The following ZNF492 variants were observed in gnomAD, a reference collection of about 807,000 sequenced individuals.
The protein encoded by ZNF492 is zinc finger protein 115 (Y20).
ZNF492 carries 3 observed loss-of-function variants against 6.4 expected under a neutral mutation model. The ratio of observed to expected loss-of-function variants is 0.47; its 90% CI spans 0.21 to 1.22. ZNF492 has a LOEUF of 1.22. Ranked by LOEUF, ZNF492 falls within the 50% of genes most tolerant of loss-of-function variation. The pLI is 0.22. For synonymous variants in ZNF492, 112 were observed against 205.3 expected (o/e 0.55, Z 3.89); for missense variants, 356 against 612.5 (o/e 0.58, Z 4.42).
chr19:22,652,381 C>T lies in ZNF492; in HGVS notation c.-93-926C>T, dbSNP rs1257025514. 2.7e-5 allele frequency among the ~76,000 whole-genome samples: 3 copies of T among 110,866 alleles called. 1 individual carries two copies. Among genetic ancestry groups the T allele is most frequent in the African/African-American group, 1.4e-4 (3 of 20,814 alleles). 72.7% of individuals were successfully genotyped at this position (110,866 alleles called of 152,430 possible). A position where few individuals can be genotyped will look rare whatever the true frequency, so the allele number is the denominator to read the frequency against. ...TAGCTGGGACTACAGGCGCCCGCCA[C>T]CTTAGGTTTTCTTTGCATTTATCTG... On this transcript the variant is annotated intron_variant, in intron 1 of 3. Transcript: ENST00000456783.
At chr19:22,659,005 G>C (rs1230716777) in intron 3 of ZNF492, among the ~76,000 whole-genome samples, 3 of 151,996 alleles carry the variant, frequency 2.0e-5, no homozygotes, top group Non-Finnish European at 4.4e-5. Flanking sequence ...TAGAGATTCT[G>C]TATACTCGAG....
chr19:22,650,162 G>A (rs1250869654), intron 1 of ZNF492, among the ~76,000 whole-genome samples: 2 of 152,042 alleles, frequency 1.3e-5, no homozygotes, highest in African/African-American at 4.8e-5. Context: ...TCTTTCAATG[G>A]TCAGATCCCT....
rs1009475155 is a variant in ZNF492, at chr19:22,667,448, T to C, written c.*2183T>C. 9.9e-5 allele frequency: 15 copies of C among 152,106 alleles called. No homozygotes were observed. The highest frequency in any genetic ancestry group is 3.6e-4 in the African/African-American group (15 of 41,440). 9.4% of individuals were successfully genotyped at this position (152,106 alleles called of 1,614,324 possible). On this transcript the variant is annotated 3_prime_UTR_variant, in exon 4 of 4. Transcript: ENST00000456783. ...TATTTATGTTATATATGGCATATTC[T>C]GATAAGAGGCATACAATATGTAATA...
intron 1 of ZNF492, among the ~76,000 whole-genome samples, chr19:22,643,014 A>G (rs771427915): frequency 2.6e-5 from 4 of 152,158 alleles, no homozygotes; most frequent in Non-Finnish European, 5.9e-5. Flanking sequence ...CTGTAATCCC[A>G]GTGCTTTGGG....
At chr19:22,658,563 A>G (rs1312686782) in intron 3 of ZNF492, among the ~76,000 whole-genome samples, 1 of 142,060 alleles carries the variant, frequency 7.0e-6, no homozygotes, top group Non-Finnish European at 1.5e-5. Context: ...TTCTAAGAGT[A>G]TAACTGCTTT....
chr19:22,645,089 C>T (rs962266688), intron 1 of ZNF492, among the ~76,000 whole-genome samples: 1 of 151,840 alleles, frequency 6.6e-6, no homozygotes, highest in East Asian at 1.9e-4. Flanking sequence ...CTCTGTCTCC[C>T]AGGCTGGAGT....
chr19:22,654,069 T>TAGA (rs1555725253), intron 3 of ZNF492, 54 bp downstream of exon 3: 1 of 1,408,266 alleles, frequency 7.1e-7, no homozygotes, highest in Non-Finnish European at 9.3e-7. Context: ...AGCTCCAAAG[T>TAGA]AGAAAAAAAA....
intron 1 of ZNF492, among the ~76,000 whole-genome samples, 198 bp from the exon 2 acceptor site, chr19:22,653,109 C>A (rs541801097): frequency 1.5e-4 from 22 of 151,314 alleles, no homozygotes; most frequent in Non-Finnish European, 2.8e-4. Context: ...TGTTGTGGAT[C>A]TTATGCCACT....
chr19:22,645,050 C>T (rs1457387734), intron 1 of ZNF492, among the ~76,000 whole-genome samples: 1 of 151,548 alleles, frequency 6.6e-6, no homozygotes, highest in Non-Finnish European at 1.5e-5. Context: ...CATCTTTTGC[C>T]CACTTTTTTT....
Position 22,638,933 on chromosome 19 carries a change from C to T in ZNF492, c.-94+4459C>T, listed in dbSNP as rs546082367. 2.4e-4 allele frequency among the ~76,000 whole-genome samples: 36 copies of T among 152,206 alleles called. No homozygotes were observed. The East Asian group carries it at 6.8e-3, about 29-fold the overall frequency. On this transcript the variant is annotated intron_variant, in intron 1 of 3. Transcript: ENST00000456783. ...TTTCGGCTCACTGCAACCTCTGCCT[C>T]CCGGGTTCAAGCAATTCTCTCCCTC...
intron 1 of ZNF492, among the ~76,000 whole-genome samples, chr19:22,652,988 T>G (rs1307770120): frequency 6.6e-6 from 1 of 151,948 alleles, no homozygotes; most frequent in Non-Finnish European, 1.5e-5. Flanking sequence ...CTGAAAAATT[T>G]ACACAACTTA....
rs896644144 is a variant in ZNF492, at chr19:22,667,018, C to T, written c.*1753C>T. 6.6e-5 allele frequency: 10 copies of T among 152,126 alleles called. No individual in the cohort carries two copies. The highest frequency in any genetic ancestry group is 8.8e-5 in the Non-Finnish European group (6 of 68,068). 9.4% of individuals were successfully genotyped at this position (152,126 alleles called of 1,614,324 possible). ...CAAAGGTGGGTAGATCACCTGAGGT[C>T]GGGAGTTCAAGACCAGCCTGACCAA... On this transcript the variant is annotated 3_prime_UTR_variant, in exon 4 of 4. Transcript: ENST00000456783.
At chr19:22,660,362 T>C (rs1345988563) in intron 3 of ZNF492, among the ~76,000 whole-genome samples, 4 of 152,072 alleles carry the variant, frequency 2.6e-5, no homozygotes, top group Admixed American at 2.6e-4. Context: ...TTTTTGATTT[T>C]TGTATTGATA....
intron 3 of ZNF492, among the ~76,000 whole-genome samples, chr19:22,658,327 T>C (rs1352245921): frequency 1.3e-5 from 2 of 151,506 alleles, no homozygotes; most frequent in African/African-American, 4.9e-5. Flanking sequence ...GGAGGGAGGA[T>C]TACTTGAACC....
chr19:22,660,593 A>G (rs1972049027), intron 3 of ZNF492, among the ~76,000 whole-genome samples: 1 of 149,664 alleles, frequency 6.7e-6, no homozygotes, highest in Non-Finnish European at 1.5e-5. Context: ...ATTCATTAAC[A>G]GTTGTTTATA....
At chr19:22,639,407 G>A (rs1366561334) in intron 1 of ZNF492, among the ~76,000 whole-genome samples, 2 of 151,690 alleles carry the variant, frequency 1.3e-5, no homozygotes, top group Non-Finnish European at 2.9e-5. Flanking sequence ...GAAGTTTTTT[G>A]TCAGTTTGAA....
chr19:22,639,457 T>A (rs1459268753), intron 1 of ZNF492, among the ~76,000 whole-genome samples: 2 of 151,954 alleles, frequency 1.3e-5, no homozygotes. Context: ...ACACCTGTAA[T>A]CCCAGCACTT....
intron 1 of ZNF492, 100 bp downstream of exon 1, chr19:22,634,574 C>T: frequency 1.0e-5 from 12 of 1,159,062 alleles, no homozygotes; most frequent in Admixed American, 1.8e-5. Context: ...GCAGTCGGCT[C>T]CACAATCTGC....
intron 1 of ZNF492, among the ~76,000 whole-genome samples, chr19:22,648,929 T>C (rs1971912038): frequency 6.6e-6 from 1 of 152,216 alleles, no homozygotes; most frequent in African/African-American, 2.4e-5. Flanking sequence ...TTAGCCCATT[T>C]ACATTTAAGG....
Sources: gnomAD v4.1 joint callset for allele counts (sites outside exome capture counted in the v4.1 genomes callset) on GRCh38, gnomAD v4.1.1 for gene constraint, MANE v1.5 for transcripts, NCBI Gene and HGNC (gene_info 2026-07-23, HGNC 2026-07-21) for gene names.